The following PDE1A variants were observed in gnomAD, a reference collection of about 807,000 sequenced individuals.
PDE1A encodes phosphodiesterase 1A.
A neutral mutation model predicts 61.7 loss-of-function variants in PDE1A; 35 were observed. The observed-to-expected ratio is 0.57, with a 90% CI of 0.43 to 0.75. The LOEUF is 0.75. PDE1A is among the 30% of genes least tolerant of loss of function. PDE1A has a pLI of 0.00. For synonymous variants in PDE1A, 232 were observed against 213.2 expected, an observed-to-expected ratio of 1.09 and a Z score of -0.77; for missense variants, 597 against 630.6, an observed-to-expected ratio of 0.95 and a Z score of 0.57.
chr2:182,663,296 C>T, the PDE1A span, among the ~76,000 whole-genome samples: 1 of 151,810 alleles, frequency 6.6e-6, no homozygotes, highest in African/African-American at 2.4e-5. Context: ...ACAGAAAAAC[C>T]ATTCAAGCCA....
At chr2:182,621,296 A>C in the PDE1A span, among the ~76,000 whole-genome samples, 8 of 152,192 alleles carry the variant, frequency 5.3e-5, no homozygotes, top group Admixed American at 2.6e-4. Context: ...ATCTTTTGCT[A>C]TCTGCAGTTG....
At chr2:182,671,197 GT>G in the PDE1A span, among the ~76,000 whole-genome samples, 2 of 149,212 alleles carry the variant, frequency 1.3e-5, no homozygotes, top group Admixed American at 6.7e-5. Flanking sequence ...TTGAGACGGT[GT>G]TCTCGCTCTG....
At chr2:182,312,942 C>A (rs760456133) in intron 1 of PDE1A, among the ~76,000 whole-genome samples, 2 of 151,878 alleles carry the variant, frequency 1.3e-5, no homozygotes, top group African/African-American at 4.8e-5. Flanking sequence ...TAGTATATCT[C>A]TCTATTTATT....
chr2:182,245,937 ACG>A (rs1690912565), intron 2 of PDE1A, among the ~76,000 whole-genome samples: 1 of 152,322 alleles, frequency 6.6e-6, no homozygotes, highest in Admixed American at 6.5e-5. Context: ...CCCACCTGTA[ACG>A]AATGAGCCAG....
At chr2:182,546,341 CAA>C in the PDE1A span, among the ~76,000 whole-genome samples, 134 of 151,940 alleles carry the variant, frequency 8.8e-4, no homozygotes, top group African/African-American at 3.1e-3. Flanking sequence ...ATATCCATTC[CAA>C]GAGACCACTC....
chr2:182,560,184 T>A, the PDE1A span, among the ~76,000 whole-genome samples: 1 of 151,620 alleles, frequency 6.6e-6, no homozygotes, highest in Non-Finnish European at 1.5e-5. Flanking sequence ...TTTAGCATTA[T>A]GTGTATTTCC....
chr2:182,371,470 A>C (rs1001903212), intron 1 of PDE1A, among the ~76,000 whole-genome samples: 1 of 152,248 alleles, frequency 6.6e-6, no homozygotes, highest in Non-Finnish European at 1.5e-5. Flanking sequence ...GATTGCAACA[A>C]GCAATGAAAA....
At chr2:182,703,005 T>C in the PDE1A span, among the ~76,000 whole-genome samples, 1 of 152,260 alleles carries the variant, frequency 6.6e-6, no homozygotes. Flanking sequence ...CAAGTTATAA[T>C]GGCACATACA....
the PDE1A span, among the ~76,000 whole-genome samples, chr2:182,635,698 C>CTCTCTCTCTCTCTCTCTCTCTCTA: frequency 3.4e-5 from 5 of 147,622 alleles, no homozygotes; most frequent in African/African-American, 1.0e-4. Context: ...CTCTCTCTCT[C>CTCTCTCTCTCTCTCTCTCTCTCTA]TCCACATATG....
At chr2:182,326,327 A>T (rs1435050347) in intron 1 of PDE1A, among the ~76,000 whole-genome samples, 3 of 152,228 alleles carry the variant, frequency 2.0e-5, no homozygotes, top group African/African-American at 7.2e-5. Context: ...ATGTCCATTG[A>T]TGAATTTGTG....
At chr2:182,626,792 C>CATATATATACATATATATATACAT in the PDE1A span, among the ~76,000 whole-genome samples, 4 of 8,966 alleles carry the variant, frequency 4.5e-4, no homozygotes, top group African/African-American at 8.3e-4. Context: ...CATATATATA[C>CATATATATACATATATATATACAT]ATATATATAC....
At chr2:182,313,016 T>C (rs570602302) in intron 1 of PDE1A, among the ~76,000 whole-genome samples, 5 of 152,346 alleles carry the variant, frequency 3.3e-5, no homozygotes, top group African/African-American at 7.2e-5. Context: ...TTGCATATCA[T>C]TTATCAGATT....
chr2:182,545,721 T>A, the PDE1A span, among the ~76,000 whole-genome samples: 3 of 152,222 alleles, frequency 2.0e-5, no homozygotes, highest in Non-Finnish European at 2.9e-5. Flanking sequence ...TCTGTTCCTC[T>A]GTAAAACATA....
intron 13 of PDE1A, among the ~76,000 whole-genome samples, chr2:182,157,660 A>AAC (rs1691168108): frequency 6.6e-6 from 1 of 152,138 alleles, no homozygotes. Flanking sequence ...CAACCTAAAT[A>AAC]ATATTCACCA....
chr2:182,663,482 C>G, the PDE1A span, among the ~76,000 whole-genome samples: 2 of 152,162 alleles, frequency 1.3e-5, no homozygotes, highest in Admixed American at 6.6e-5. Flanking sequence ...CTACAGAATA[C>G]TATGCAGTCA....
At chr2:182,499,957 A>C (rs1430937768) in intron 2 of PDE1A, among the ~76,000 whole-genome samples, 1 of 152,206 alleles carries the variant, frequency 6.6e-6, no homozygotes, top group Non-Finnish European at 1.5e-5. Flanking sequence ...AGCGAGTCCC[A>C]GTTGGAGCTG....
chr2:182,346,650 C>T (rs992025556), intron 1 of PDE1A, among the ~76,000 whole-genome samples: 3 of 152,164 alleles, frequency 2.0e-5, no homozygotes, highest in Non-Finnish European at 4.4e-5. Context: ...CAGTTCCTCT[C>T]CCTGGAGGGA....
At chr2:182,378,961 T>C (rs1700571389) in intron 1 of PDE1A, among the ~76,000 whole-genome samples, 1 of 152,216 alleles carries the variant, frequency 6.6e-6, no homozygotes, top group South Asian at 2.1e-4. Flanking sequence ...ATAGCATTTG[T>C]TCAGACTCTC....
chr2:182,378,517 C>T (rs899582097), intron 1 of PDE1A, among the ~76,000 whole-genome samples: 1 of 152,118 alleles, frequency 6.6e-6, no homozygotes, highest in Non-Finnish European at 1.5e-5. Flanking sequence ...AAAATTGCCA[C>T]CAAGTGATTT....
Sources: gnomAD v4.1 joint callset for allele counts (sites outside exome capture counted in the v4.1 genomes callset) on GRCh38, gnomAD v4.1.1 for gene constraint, MANE v1.5 for transcripts, NCBI Gene and HGNC (gene_info 2026-07-23, HGNC 2026-07-21) for gene names.